The following GSK3B variants were observed in gnomAD, a reference collection of about 807,000 sequenced individuals.
The protein encoded by GSK3B is glycogen synthase kinase-3 beta.
Under a neutral mutation model 56.4 loss-of-function variants are expected in GSK3B, and 15 were observed. The ratio of observed to expected loss-of-function variants is 0.27; its 90% CI spans 0.18 to 0.41. The LOEUF is 0.41. GSK3B is among the 10% of genes least tolerant of loss of function. The pLI, the probability that GSK3B is intolerant of heterozygous loss-of-function variation, is 1.00. For synonymous variants in GSK3B, 181 were observed against 188.9 expected, an observed-to-expected ratio of 0.96 and a Z score of 0.34; for missense variants, 300 against 513.4, an observed-to-expected ratio of 0.58 and a Z score of 4.02.
chr3:119,985,131 A>T (rs1299176867), intron 2 of GSK3B, among the ~76,000 whole-genome samples: 2 of 152,190 alleles, frequency 1.3e-5, no homozygotes, highest in South Asian at 2.1e-4. Flanking sequence ...CCTTCGACAA[A>T]ATTCAACAGC....
intron 4 of GSK3B, among the ~76,000 whole-genome samples, chr3:119,918,235 C>A (rs549916923): frequency 6.6e-6 from 1 of 152,092 alleles, no homozygotes; most frequent in Non-Finnish European, 1.5e-5. Flanking sequence ...CTTTGGGAGA[C>A]CAAGGCAGGC....
chr3:119,915,645 T>C (rs2056773262), intron 5 of GSK3B, among the ~76,000 whole-genome samples: 1 of 152,102 alleles, frequency 6.6e-6, no homozygotes, highest in Non-Finnish European at 1.5e-5. Flanking sequence ...TCATTTAATG[T>C]TTCCTAGACA....
chr3:119,981,361 G>A (rs2057459958), intron 2 of GSK3B, among the ~76,000 whole-genome samples: 1 of 152,220 alleles, frequency 6.6e-6, no homozygotes, highest in Admixed American at 6.5e-5. Flanking sequence ...AGTGGGTGCA[G>A]CCCATGGAGG....
chr3:119,988,601 T>C (rs2057537041), intron 2 of GSK3B, among the ~76,000 whole-genome samples: 1 of 152,234 alleles, frequency 6.6e-6, no homozygotes, highest in Admixed American at 6.5e-5. Flanking sequence ...ACAGTCCCTG[T>C]ACAGGGTTTC....
At chr3:119,869,246 AC>A in intron 8 of GSK3B, among the ~76,000 whole-genome samples, 2 of 147,340 alleles carry the variant, frequency 1.4e-5, no homozygotes, top group Non-Finnish European at 3.0e-5. Context: ...AAAAAAAAAA[AC>A]ATATATTCTT....
rs529414341 is a variant in GSK3B, at chr3:119,847,669, G to A, written c.1097-4316C>T. Among the ~76,000 whole-genome samples, 26 of 152,144 alleles carry A rather than the reference G, an allele frequency of 1.7e-4. No individual in the cohort carries two copies. In the South Asian group the frequency reaches 3.3e-3, roughly 19 times the overall value. On this transcript the variant is annotated intron_variant, in intron 9 of 10. Transcript: ENST00000264235. Reference sequence around the variant, plus strand: ...TATGTCTGAGAACTAAAAATATCTCGGGGAAAGATGTGGCCAAAGTTTTGG... The same window carrying A: ...TATGTCTGAGAACTAAAAATATCTCAGGGAAAGATGTGGCCAAAGTTTTGG...
intron 9 of GSK3B, among the ~76,000 whole-genome samples, chr3:119,848,593 A>C (rs1348323690): frequency 1.3e-5 from 2 of 152,146 alleles, no homozygotes; most frequent in Non-Finnish European, 2.9e-5. Flanking sequence ...GTCACTCTAC[A>C]TTAATCCCTT....
rs149739802 is a variant in GSK3B, at chr3:119,953,534, T to C, written c.283-6183A>G. On this transcript the variant is annotated intron_variant, in intron 2 of 10. Coordinates refer to ENST00000264235, the MANE Select transcript of GSK3B (RefSeq NM_001146156.2). ...ACCAAGAGAGATGGAGCGGCACATG[T>C]TGGCAGAGACAGACAGAGAGAGAGA... Among the ~76,000 whole-genome samples, 405 of 152,266 alleles carry C rather than the reference T, an allele frequency of 2.7e-3. 3 individuals carry two copies. The highest frequency in any genetic ancestry group is 4.5e-3 in the Non-Finnish European group (307 of 67,992).
chr3:120,009,383 C>T (rs1015084838), intron 1 of GSK3B, among the ~76,000 whole-genome samples: 4 of 152,120 alleles, frequency 2.6e-5, no homozygotes, highest in South Asian at 2.1e-4. Context: ...CACATGCACA[C>T]GTACATTTAC....
At chr3:119,959,911 G>A (rs908949066) in intron 2 of GSK3B, among the ~76,000 whole-genome samples, 9 of 151,792 alleles carry the variant, frequency 5.9e-5, no homozygotes, top group African/African-American at 2.2e-4. Flanking sequence ...ACTTACCCAG[G>A]ATCCCAGCAA....
At chr3:119,999,245 CTA>C (rs1327133424) in intron 2 of GSK3B, among the ~76,000 whole-genome samples, 1 of 152,054 alleles carries the variant, frequency 6.6e-6, no homozygotes, top group African/African-American at 2.4e-5. Context: ...GAATCTGATA[CTA>C]TGATATAGAA....
In GSK3B at chr3:120,049,207, C is replaced by T. The variant is rs77989830; in HGVS notation, c.88+44140G>A. 7.4e-3 allele frequency among the ~76,000 whole-genome samples: 1,122 copies of T among 152,270 alleles called. 15 individuals are homozygous for T. The highest frequency in any genetic ancestry group is 0.025 in the African/African-American group (1,034 of 41,534). ...CAGAGAATGTAAAAATTGTATGAGA[C>T]ATAATCCTTGCTCTGACTGACTAGT... On this transcript the variant is annotated intron_variant, in intron 1 of 10. Coordinates refer to ENST00000264235, the MANE Select transcript of GSK3B (RefSeq NM_001146156.2).
intron 8 of GSK3B, among the ~76,000 whole-genome samples, chr3:119,867,233 G>A (rs2056194856): frequency 6.6e-6 from 1 of 152,132 alleles, no homozygotes; most frequent in Non-Finnish European, 1.5e-5. Flanking sequence ...GAGCTAAGAA[G>A]GATCAGGCCA....
chr3:119,982,159 T>C (rs1018316990), intron 2 of GSK3B, among the ~76,000 whole-genome samples: 2 of 152,042 alleles, frequency 1.3e-5, no homozygotes, highest in Admixed American at 6.5e-5. Context: ...CAGAAAGGAA[T>C]AGCATCAACA....
intron 6 of GSK3B, among the ~76,000 whole-genome samples, chr3:119,907,665 T>G (rs76310433): frequency 0.011 from 1,669 of 152,268 alleles, 28 homozygotes; most frequent in African/African-American, 0.033. Context: ...GAATAGCATT[T>G]TGTTTCATAT....
At chr3:119,852,398 G>A (rs895547822) in intron 9 of GSK3B, among the ~76,000 whole-genome samples, 24 of 151,612 alleles carry the variant, frequency 1.6e-4, no homozygotes, top group African/African-American at 5.3e-4. Context: ...GCCTAGGCTG[G>A]AGTGCAGTGG....
chr3:119,962,600 T>C (rs536674384), intron 2 of GSK3B, among the ~76,000 whole-genome samples: 1 of 152,230 alleles, frequency 6.6e-6, no homozygotes, highest in East Asian at 1.9e-4. Context: ...AGAAAATTAT[T>C]TGTTTGCATA....
intron 2 of GSK3B, among the ~76,000 whole-genome samples, chr3:119,976,527 G>A (rs2057409642): frequency 6.6e-6 from 1 of 152,086 alleles, no homozygotes; most frequent in South Asian, 2.1e-4. Context: ...ACAGGTAGTA[G>A]ATCAGTAGTT....
At chr3:119,990,965 C>T (rs1385318749) in intron 2 of GSK3B, among the ~76,000 whole-genome samples, 1 of 152,144 alleles carries the variant, frequency 6.6e-6, no homozygotes, top group Non-Finnish European at 1.5e-5. Flanking sequence ...TAAAAGTAGA[C>T]TATGCTCTCC....
Sources: allele counts gnomAD v4.1 joint callset (sites outside exome capture counted in the v4.1 genomes callset), GRCh38; gene constraint gnomAD v4.1.1; transcripts MANE v1.5; gene names NCBI Gene and HGNC (gene_info 2026-07-23, HGNC 2026-07-21).